The following VEGFC variants were observed in gnomAD, a reference collection of about 807,000 sequenced individuals.
The protein encoded by VEGFC is FLT4 ligand DHM.
In VEGFC, 12 loss-of-function variants were observed where a neutral mutation model predicts 46.1. That is an observed-to-expected ratio of 0.26 (90% CI 0.17 to 0.42). VEGFC has a LOEUF of 0.42. Ranked by LOEUF, VEGFC falls within the 10% of genes least tolerant of loss-of-function variation. The probability of loss-of-function intolerance (pLI) is 1.00; values close to 1 mark genes in which losing one functional copy is unlikely to be tolerated. For missense variants in VEGFC, 488 were observed against 529.4 expected (o/e 0.92, Z 0.77); for synonymous variants, 232 against 195.5 (o/e 1.19, Z -1.56).
Position 176,788,521 on chromosome 4 carries a change from C to T in VEGFC, c.147+3644G>A, listed in dbSNP as rs185290453. Among the ~76,000 whole-genome samples the T allele has an allele frequency of 1.5e-4, 23 of 152,316 alleles. No homozygotes were observed. The East Asian group carries it at 3.1e-3, about 20-fold the overall frequency. On this transcript the variant is annotated intron_variant, in intron 1 of 6. Transcript: ENST00000618562. ...TAAAACATACATGCTTCTCGATTTA[C>T]GATGGGGCTACATCCTGACAAATTC...
intron 1 of VEGFC, among the ~76,000 whole-genome samples, chr4:176,783,881 T>C (rs1735954541): frequency 6.6e-6 from 1 of 152,190 alleles, no homozygotes; most frequent in African/African-American, 2.4e-5. Context: ...TTTAAAAATT[T>C]AATAAATTAG....
chr4:176,748,263 A>G (rs1023314442), intron 1 of VEGFC, among the ~76,000 whole-genome samples: 1 of 152,112 alleles, frequency 6.6e-6, no homozygotes, highest in Admixed American at 6.6e-5. Context: ...CAACAAAGCA[A>G]ACTGACATAG....
chr4:176,733,094 T>A (rs1015447169), intron 1 of VEGFC, among the ~76,000 whole-genome samples: 1 of 151,840 alleles, frequency 6.6e-6, no homozygotes, highest in Non-Finnish European at 1.5e-5. Flanking sequence ...TTAGAGTGGA[T>A]AAAATTAAAA....
chr4:176,772,725 T>C (rs1287272435), intron 1 of VEGFC, among the ~76,000 whole-genome samples: 1 of 152,106 alleles, frequency 6.6e-6, no homozygotes, highest in Non-Finnish European at 1.5e-5. Flanking sequence ...ATCACAGGAA[T>C]GAGTTTGTTA....
At chr4:176,714,716 G>T (rs1051094489) in intron 3 of VEGFC, among the ~76,000 whole-genome samples, 2 of 152,136 alleles carry the variant, frequency 1.3e-5, no homozygotes, top group Non-Finnish European at 2.9e-5. Context: ...TTTTCCAAAT[G>T]GTAGACAGAT....
intron 5 of VEGFC, 107 bp downstream of exon 5, chr4:176,687,714 C>A: frequency 9.5e-7 from 1 of 1,047,922 alleles, no homozygotes; most frequent in Non-Finnish European, 1.4e-6. Context: ...TTTTTAGTCA[C>A]TTATTTAGAA....
At chr4:176,787,566 G>A (rs1197178437) in intron 1 of VEGFC, among the ~76,000 whole-genome samples, 5 of 151,848 alleles carry the variant, frequency 3.3e-5, no homozygotes, top group South Asian at 2.1e-4. Flanking sequence ...CCACTAGGGC[G>A]CGAGCAGTAT....
At chr4:176,684,420 C>T (rs1734000480) in intron 6 of VEGFC, among the ~76,000 whole-genome samples, 1 of 152,164 alleles carries the variant, frequency 6.6e-6, no homozygotes, top group Admixed American at 6.5e-5. Context: ...GAGTCTGGGA[C>T]TTGTATGGGA....
chr4:176,691,027 T>C (rs1734167670), intron 4 of VEGFC, among the ~76,000 whole-genome samples: 1 of 152,122 alleles, frequency 6.6e-6, no homozygotes, highest in African/African-American at 2.4e-5. Flanking sequence ...TACAAACCAA[T>C]AGAATGCATG....
At chr4:176,767,115 T>C (rs1287049551) in intron 1 of VEGFC, among the ~76,000 whole-genome samples, 2 of 15,238 alleles carry the variant, frequency 1.3e-4, no homozygotes. Flanking sequence ...AAAGGAATTG[T>C]AGAAATCTAA....
At chr4:176,703,585 A>C (rs563372444) in intron 4 of VEGFC, among the ~76,000 whole-genome samples, 1 of 152,254 alleles carries the variant, frequency 6.6e-6, no homozygotes, top group South Asian at 2.1e-4. Flanking sequence ...AACAATAGTT[A>C]ATAATATTTT....
chr4:176,788,317 C>T (rs1055596407), intron 1 of VEGFC, among the ~76,000 whole-genome samples: 7 of 152,192 alleles, frequency 4.6e-5, no homozygotes, highest in East Asian at 1.9e-4. Flanking sequence ...CCGTTTGTCC[C>T]GTTGTGGGGA....
rs574057492 is a variant in VEGFC at position 176,774,829 on chromosome 4, CAA to C, written c.147+17334_147+17335del. Among the ~76,000 whole-genome samples, 842 of 130,262 alleles carry C rather than the reference CAA, an allele frequency of 6.5e-3. 7 individuals are homozygous for C. Among genetic ancestry groups the C allele is most frequent in the African/African-American group, 0.01 (369 of 36,668 alleles). The allele number at this position is 130,262 out of a possible 152,430, so 85.5% of individuals were successfully genotyped here. A position where few individuals can be genotyped will look rare whatever the true frequency, so the allele number is the denominator to read the frequency against. On this transcript the variant is annotated intron_variant, in intron 1 of 6. Coordinates refer to ENST00000618562, the MANE Select transcript of VEGFC (RefSeq NM_005429.5). The stretch of plus-strand genomic sequence containing the variant: ...TATAATAATAAAAAAAAAAAGAATG[CAA>C]AAAAAAAAAAAGAACTTATGCTTTA...
intron 1 of VEGFC, among the ~76,000 whole-genome samples, chr4:176,779,029 G>A (rs182955901): frequency 1.7e-3 from 261 of 152,148 alleles, no homozygotes; most frequent in African/African-American, 6.0e-3. Context: ...AAGTGCACAC[G>A]CCATATGCTA....
chr4:176,746,573 C>T (rs1560953894), intron 1 of VEGFC, among the ~76,000 whole-genome samples: 1 of 152,066 alleles, frequency 6.6e-6, no homozygotes, highest in Admixed American at 6.6e-5. Flanking sequence ...AAAACCTCTT[C>T]CTCTTCCTTA....
intron 4 of VEGFC, among the ~76,000 whole-genome samples, chr4:176,707,337 T>A (rs908643882): frequency 6.6e-6 from 1 of 152,202 alleles, no homozygotes. Flanking sequence ...TTGTCAGTGT[T>A]TTTAATTTTA....
intron 4 of VEGFC, among the ~76,000 whole-genome samples, chr4:176,708,745 T>C (rs1358135915): frequency 1.3e-5 from 2 of 152,196 alleles, no homozygotes; most frequent in Non-Finnish European, 2.9e-5. Flanking sequence ...ATGTTTTTCT[T>C]ACTGTAGATA....
intron 4 of VEGFC, 102 bp downstream of exon 4, chr4:176,711,397 T>C: frequency 7.6e-7 from 1 of 1,324,052 alleles, no homozygotes. Flanking sequence ...CAGAGTATAT[T>C]ACAGTAAATT....
At chr4:176,788,966 A>G (rs1005614636) in intron 1 of VEGFC, among the ~76,000 whole-genome samples, 1 of 152,254 alleles carries the variant, frequency 6.6e-6, no homozygotes, top group Non-Finnish European at 1.5e-5. Context: ...CTCTTTGCGA[A>G]GTGCTTAACA....
Sources: allele counts gnomAD v4.1 joint callset (sites outside exome capture counted in the v4.1 genomes callset), GRCh38; gene constraint gnomAD v4.1.1; transcripts MANE v1.5; gene names NCBI Gene and HGNC (gene_info 2026-07-23, HGNC 2026-07-21).